ACAP2: variants seen among roughly 807,000 people sequenced by gnomAD.
The protein encoded by ACAP2 is arf-GAP with coiled-coil, ANK repeat and PH domain-containing protein 2.
Under a neutral mutation model 115.8 loss-of-function variants are expected in ACAP2, and 39 were observed. The observed-to-expected ratio is 0.34, with a 90% CI of 0.26 to 0.44. ACAP2 has a LOEUF of 0.44. ACAP2 is among the 20% of genes least tolerant of loss of function. The probability of loss-of-function intolerance (pLI) is 1.00; values close to 1 mark genes in which losing one functional copy is unlikely to be tolerated. For synonymous variants in ACAP2, 289 were observed against 315.8 expected (o/e 0.92, Z 0.90); for missense variants, 662 against 927.6 (o/e 0.71, Z 3.72).
At chr3:195,437,582 G>A (rs974841327) in intron 1 of ACAP2, among the ~76,000 whole-genome samples, 4 of 151,974 alleles carry the variant, frequency 2.6e-5, no homozygotes, top group African/African-American at 7.3e-5. Context: ...TTGGGAGGCC[G>A]AAGCTGGTGG....
intron 1 of ACAP2, among the ~76,000 whole-genome samples, chr3:195,419,249 G>A (rs146088570): frequency 2.6e-5 from 4 of 152,148 alleles, no homozygotes; most frequent in East Asian, 1.9e-4. Context: ...CTTTCCCTGC[G>A]CCCAGCCCTA....
At chr3:195,403,537 G>C (rs1015696080) in intron 1 of ACAP2, among the ~76,000 whole-genome samples, 11 of 152,240 alleles carry the variant, frequency 7.2e-5, no homozygotes, top group African/African-American at 2.7e-4. Flanking sequence ...ACCAATCAGT[G>C]CTGAGAAATG....
chr3:195,418,874 A>G (rs116245716), intron 1 of ACAP2, among the ~76,000 whole-genome samples: 3,435 of 152,344 alleles, frequency 0.023, 118 homozygotes, highest in African/African-American at 0.076. Context: ...ACTGTCCTAC[A>G]TAAGTGTTTT....
chr3:195,436,659 G>A (rs193172010), intron 1 of ACAP2, among the ~76,000 whole-genome samples: 1 of 152,040 alleles, frequency 6.6e-6, no homozygotes, highest in East Asian at 1.9e-4. Context: ...AAATAAATAA[G>A]GCCAAAATAC....
chr3:195,424,244 G>GTGTGTGTGT lies in ACAP2; in HGVS notation c.53+18550_53+18551insACACACACA, dbSNP rs1553872445. On this transcript the variant is annotated intron_variant, in intron 1 of 22. Coordinates refer to ENST00000326793, the MANE Select transcript of ACAP2 (RefSeq NM_012287.6). ...GTCATATGTGTGTGTGTGTGTGTGTGGTGTGTGTGTGTGTGTGTATATATA... is the reference window on the plus strand; with the variant it reads ...GTCATATGTGTGTGTGTGTGTGTGTGTGTGTGTGTGTGTGTGTGTGTGTGTGTATATATA... 8.2e-3 allele frequency among the ~76,000 whole-genome samples: 569 copies of GTGTGTGTGT among 69,422 alleles called. 37 individuals are homozygous for GTGTGTGTGT. The East Asian group carries it at 0.19, about 23-fold the overall frequency. 45.5% of individuals were successfully genotyped at this position (69,422 alleles called of 152,430 possible).
At chr3:195,318,640 A>T (rs1035930165) in intron 10 of ACAP2, among the ~76,000 whole-genome samples, 1 of 152,252 alleles carries the variant, frequency 6.6e-6, no homozygotes, top group Non-Finnish European at 1.5e-5. Context: ...GAAATTTCTA[A>T]GCAGGAAAAC....
chr3:195,282,760 T>C (rs1726588204), intron 22 of ACAP2: 1 of 152,226 alleles, frequency 6.6e-6, no homozygotes, highest in African/African-American at 2.4e-5. Context: ...TTAACCACAT[T>C]CTATTTCCCC....
chr3:195,338,062 G>A (rs1488776053), intron 6 of ACAP2, among the ~76,000 whole-genome samples: 3 of 151,836 alleles, frequency 2.0e-5, no homozygotes, highest in African/African-American at 7.2e-5. Flanking sequence ...TACCAATCAG[G>A]TCTCAAATAC....
At chr3:195,280,215 G>A (rs900519368) in intron 22 of ACAP2, among the ~76,000 whole-genome samples, 1 of 152,186 alleles carries the variant, frequency 6.6e-6, no homozygotes, top group African/African-American at 2.4e-5. Flanking sequence ...GCTCATGCCT[G>A]TAACCCCAGC....
At chr3:195,359,858 C>A (rs1393133137) in intron 4 of ACAP2, among the ~76,000 whole-genome samples, 1 of 152,098 alleles carries the variant, frequency 6.6e-6, no homozygotes, top group Non-Finnish European at 1.5e-5. Flanking sequence ...TTGCAAGCCT[C>A]ATGGTAACCT....
At chr3:195,288,606 C>T (rs903153216) in intron 21 of ACAP2, among the ~76,000 whole-genome samples, 13 of 152,242 alleles carry the variant, frequency 8.5e-5, no homozygotes, top group South Asian at 6.2e-4. Flanking sequence ...ACCTGTAATC[C>T]CAGCACTTTG....
chr3:195,378,511 C>A (rs79311382), intron 4 of ACAP2, among the ~76,000 whole-genome samples: 13 of 147,500 alleles, frequency 8.8e-5, no homozygotes, highest in East Asian at 4.2e-4. Context: ...ACAAAACAAA[C>A]AAACAAAAAA....
Position 195,333,133 on chromosome 3 carries a change from A to G in ACAP2, c.574-10T>C. The G allele has an allele frequency of 2.0e-6, 3 of 1,470,470 alleles. No homozygotes were observed. Among genetic ancestry groups the G allele is most frequent in the Non-Finnish European group, 1.9e-6 (2 of 1,070,366 alleles). 91.1% of individuals were successfully genotyped at this position (1,470,470 alleles called of 1,614,324 possible). ...ACATAAATGACAACATCTAATAGGG[A>G]AAAAAAGATGACCATTTTAAAATCT... is the stretch of plus-strand genomic sequence containing the variant. On this transcript the variant is annotated splice_polypyrimidine_tract_variant and intron_variant, in intron 7 of 22. Coordinates refer to ENST00000326793, the MANE Select transcript of ACAP2 (RefSeq NM_012287.6).
intron 1 of ACAP2, among the ~76,000 whole-genome samples, chr3:195,412,388 T>C (rs1420243991): frequency 6.6e-6 from 1 of 150,608 alleles, no homozygotes. Flanking sequence ...GAGACCAGCC[T>C]GGCCAACATG....
intron 12 of ACAP2, chr3:195,306,829 CAAAT>C (rs1728452215): frequency 3.0e-6 from 1 of 328,248 alleles, no homozygotes; most frequent in African/African-American, 2.4e-5. Flanking sequence ...CTCTTAAAAA[CAAAT>C]AACCCATCAC....
At chr3:195,424,259 G>A (rs199642105) in intron 1 of ACAP2, among the ~76,000 whole-genome samples, 48 of 64,134 alleles carry the variant, frequency 7.5e-4, no homozygotes, top group African/African-American at 2.0e-3. Context: ...GTGTGTGTGT[G>A]TGTATATATA....
chr3:195,402,325 G>C (rs1712377288), intron 1 of ACAP2, among the ~76,000 whole-genome samples: 1 of 151,826 alleles, frequency 6.6e-6, no homozygotes, highest in African/African-American at 2.4e-5. Context: ...ATTCCCTCTT[G>C]CTCCAGCCTT....
At chr3:195,348,893 A>G (rs183979121) in intron 4 of ACAP2, among the ~76,000 whole-genome samples, 344 of 152,326 alleles carry the variant, frequency 2.3e-3, no homozygotes, top group African/African-American at 7.8e-3. Flanking sequence ...TCACCCTCAG[A>G]TCAGGACCAA....
At chr3:195,319,601 G>A (rs1195034541) in intron 10 of ACAP2, among the ~76,000 whole-genome samples, 3 of 152,208 alleles carry the variant, frequency 2.0e-5, no homozygotes, top group East Asian at 1.9e-4. Context: ...GCTGGGTTTC[G>A]AACTTGTGTG....
Sources: gnomAD v4.1 joint callset for allele counts (sites outside exome capture counted in the v4.1 genomes callset) on GRCh38, gnomAD v4.1.1 for gene constraint, MANE v1.5 for transcripts, NCBI Gene and HGNC (gene_info 2026-07-23, HGNC 2026-07-21) for gene names.